Variants in ATL2 observed in about 807,000 individuals in gnomAD.
ATL2 encodes atlastin-2.
A neutral mutation model predicts 73.9 loss-of-function variants in ATL2; 31 were observed. The observed-to-expected ratio is 0.42, with a 90% CI of 0.32 to 0.57. The LOEUF (loss-of-function observed/expected upper bound fraction) is 0.57. Among genes scored for constraint, ATL2 ranks in the 20% least tolerant of loss-of-function variants. ATL2 has a pLI of 0.14. For missense variants in ATL2, 738 were observed against 702.6 expected, an observed-to-expected ratio of 1.05 and a Z score of -0.57; for synonymous variants, 291 against 237.5, an observed-to-expected ratio of 1.23 and a Z score of -2.07.
Position 38,357,651 on chromosome 2 carries a change from C to CAAAA in ATL2, c.119-14143_119-14140dup, listed in dbSNP as rs1212548216. 3.3e-3 allele frequency among the ~76,000 whole-genome samples: 217 copies of CAAAA among 66,056 alleles called. 10 individuals are homozygous for CAAAA. The highest frequency in any genetic ancestry group is 0.012 in the African/African-American group (205 of 17,504). 43.3% of individuals were successfully genotyped at this position (66,056 alleles called of 152,430 possible). ...TGCGTGACAGAGCAAGACTCCGTCT[C>CAAAA]AAAAAAAAAAAAAAAAAAAAACCTC... On this transcript the variant is annotated intron_variant, in intron 1 of 12. Transcript: ENST00000378954.
At chr2:38,348,126 G>A (rs1429415634) in intron 1 of ATL2, among the ~76,000 whole-genome samples, 1 of 151,970 alleles carries the variant, frequency 6.6e-6, no homozygotes, top group Non-Finnish European at 1.5e-5. Context: ...AAATACCTCC[G>A]ACAACTCAAG....
At chr2:38,335,584 C>T (rs899943389) in intron 2 of ATL2, among the ~76,000 whole-genome samples, 2 of 151,910 alleles carry the variant, frequency 1.3e-5, no homozygotes, top group African/African-American at 4.8e-5. Context: ...CCTTGAGAGC[C>T]GGAGATAGCA....
chr2:38,295,801 T>C lies in ATL2; in HGVS notation c.*193A>G, dbSNP rs1462050578. 4.2e-6 allele frequency: 2 copies of C among 474,334 alleles called. No individual in the cohort carries two copies. Among genetic ancestry groups the C allele is most frequent in the Non-Finnish European group, 7.5e-6 (2 of 267,964 alleles). The allele number at this position is 474,334 out of a possible 1,614,324, so 29.4% of individuals were successfully genotyped here. ...ACCAATGCTCCTCAGTCCATCTGCA[T>C]GTCTTAGGAGCCATTAAAAGAATGC... On this transcript the variant is annotated 3_prime_UTR_variant, in exon 13 of 13. Coordinates refer to ENST00000378954, the MANE Select transcript of ATL2 (RefSeq NM_001135673.4).
intron 1 of ATL2, among the ~76,000 whole-genome samples, chr2:38,349,895 T>C (rs1558439425): frequency 6.6e-6 from 1 of 152,152 alleles, no homozygotes; most frequent in East Asian, 1.9e-4. Context: ...TTCAAAAGTA[T>C]AATGGAGCCT....
intron 2 of ATL2, among the ~76,000 whole-genome samples, chr2:38,325,702 A>C (rs1668600392): frequency 2.0e-5 from 1 of 50,926 alleles, no homozygotes; most frequent in African/African-American, 1.2e-4. Context: ...ACACCAGTAC[A>C]CACACACACA....
chr2:38,310,264 C>T (rs1254163152), intron 8 of ATL2, 45 bp downstream of exon 8: 1 of 1,597,524 alleles, frequency 6.3e-7, no homozygotes. Flanking sequence ...AACTTTCCAC[C>T]TCTAATAAAT....
In ATL2 at chr2:38,298,393, C is replaced by T; in HGVS notation, c.1383G>A (p.Lys461=). 1 of 1,614,166 alleles carries T rather than the reference C, an allele frequency of 6.2e-7. No individual in the cohort carries two copies. The highest frequency in any genetic ancestry group is 8.5e-7 in the Non-Finnish European group (1 of 1,180,016). The change falls in exon 12 of 13, where the codon AAG becomes AAA. Residue 461 remains lysine (K), a synonymous_variant. Transcript: ENST00000378954. ...AGAAGATATTTTTGCCATCATTGTGCTTTATAAAATTTGCATAGGTTTCTT... is the reference window on the plus strand; with the variant it reads ...AGAAGATATTTTTGCCATCATTGTGTTTTATAAAATTTGCATAGGTTTCTT... ...EIEETYANFI[K]HNDGKNIFYA...
At chr2:38,339,911 G>A (rs190268664) in intron 2 of ATL2, among the ~76,000 whole-genome samples, 8 of 152,036 alleles carry the variant, frequency 5.3e-5, no homozygotes, top group East Asian at 1.9e-4. Flanking sequence ...AGCTGGTCTC[G>A]AACTCCTGAC....
At chr2:38,310,577 A>G in intron 7 of ATL2, 130 bp from the exon 8 acceptor site, 1 of 633,836 alleles carries the variant, frequency 1.6e-6, no homozygotes, top group Non-Finnish European at 2.4e-6. Flanking sequence ...GTCTTTTTTG[A>G]CAATACAAAA....
chr2:38,349,236 T>C (rs1280893594), intron 1 of ATL2, among the ~76,000 whole-genome samples: 1 of 152,096 alleles, frequency 6.6e-6, no homozygotes, highest in Non-Finnish European at 1.5e-5. Flanking sequence ...ATGTTCGTTG[T>C]GGCACTATTC....
At chr2:38,334,926 A>ATT (rs1669259601) in intron 2 of ATL2, among the ~76,000 whole-genome samples, 1 of 131,020 alleles carries the variant, frequency 7.6e-6, no homozygotes, top group African/African-American at 3.1e-5. Context: ...ATATATTTAT[A>ATT]TATTATAATA....
chr2:38,328,634 A>T (rs190624452), intron 2 of ATL2, among the ~76,000 whole-genome samples: 68 of 152,268 alleles, frequency 4.5e-4, no homozygotes, highest in Middle Eastern at 3.4e-3. Flanking sequence ...GAACTAAAGG[A>T]AAATGAAAAT....
Position 38,310,369 on chromosome 2 carries a change from G to T in ATL2, c.883C>A (p.Leu295Ile). The change falls in exon 8 of 13, where the codon CTT (leucine) becomes ATT (isoleucine). Residue 295 changes from leucine (L) to isoleucine (I), a missense_variant. Coordinates refer to ENST00000378954, the MANE Select transcript of ATL2 (RefSeq NM_001135673.4). Reference protein sequence around the residue: ...HNCFSNLGCFLLPHPGLKVAT... With the variant: ...HNCFSNLGCFILPHPGLKVAT... The stretch of plus-strand genomic sequence containing the variant: ...ACTTTAAGACCAGGATGTGGCAAAA[G>T]GAAGCAACCAAGATTTGAGAAACAA... 6.2e-7 allele frequency: 1 copy of T among 1,609,838 alleles called. No individual in the cohort carries two copies.
At chr2:38,357,940 G>A (rs1322194657) in intron 1 of ATL2, among the ~76,000 whole-genome samples, 1 of 152,126 alleles carries the variant, frequency 6.6e-6, no homozygotes, top group Non-Finnish European at 1.5e-5. Flanking sequence ...TGTTTGGGGG[G>A]AAATCAAGGC....
At chr2:38,299,386 G>A in intron 10 of ATL2, 59 bp from the exon 11 acceptor site, 10 of 1,463,732 alleles carry the variant, frequency 6.8e-6, no homozygotes, top group Non-Finnish European at 6.3e-6. Flanking sequence ...TAAAAATTCT[G>A]ATTAACACAA....
intron 2 of ATL2, among the ~76,000 whole-genome samples, chr2:38,342,333 G>A (rs1669771512): frequency 6.6e-6 from 1 of 152,066 alleles, no homozygotes; most frequent in South Asian, 2.1e-4. Context: ...AAAAAAATAA[G>A]CAACTAAAGT....
intron 2 of ATL2, among the ~76,000 whole-genome samples, chr2:38,325,697 AG>A (rs1668595022): frequency 0.015 from 54 of 3,708 alleles, 1 homozygote; most frequent in East Asian, 0.039. Flanking sequence ...CACACACACC[AG>A]TACACACACA....
intron 1 of ATL2, among the ~76,000 whole-genome samples, chr2:38,362,242 T>C (rs1671056058): frequency 6.6e-6 from 1 of 152,242 alleles, no homozygotes; most frequent in Admixed American, 6.5e-5. Context: ...TTAAACTAGA[T>C]GTTTAGGAAA....
chr2:38,326,118 C>A (rs878985900), intron 2 of ATL2, among the ~76,000 whole-genome samples: 3 of 152,086 alleles, frequency 2.0e-5, no homozygotes, highest in Admixed American at 6.6e-5. Context: ...AGGTGGCATA[C>A]GATGCTTCTG....
Sources: gnomAD v4.1 joint callset for allele counts (sites outside exome capture counted in the v4.1 genomes callset) on GRCh38, gnomAD v4.1.1 for gene constraint, MANE v1.5 for transcripts, NCBI Gene and HGNC (gene_info 2026-07-23, HGNC 2026-07-21) for gene names.